Variants in DAB1 observed in about 807,000 individuals in gnomAD.
DAB1 encodes the protein DAB adaptor protein 1, also known as disabled homolog 1.
Under a neutral mutation model 64.6 loss-of-function variants are expected in DAB1, and 15 were observed. That is an observed-to-expected ratio of 0.23 (90% CI 0.16 to 0.36). The LOEUF (loss-of-function observed/expected upper bound fraction) is 0.36, where lower values mean the gene tolerates loss of function less well. DAB1 is among the 10% of genes least tolerant of loss of function. The pLI is 1.00. For missense variants in DAB1, 596 were observed against 706.7 expected, an observed-to-expected ratio of 0.84 and a Z score of 1.78; for synonymous variants, 235 against 251.9, an observed-to-expected ratio of 0.93 and a Z score of 0.64.
rs577906533 is a variant in DAB1 at position 58,327,757 on chromosome 1, G to A, written n.309+15595C>T. 7.9e-5 allele frequency among the ~76,000 whole-genome samples: 12 copies of A among 152,230 alleles called. No individual in the cohort carries two copies. The South Asian group carries it at 1.9e-3, about 24-fold the overall frequency. ...AAGCAGATCACGAGGTCAGGAGTTCGAGACCAGCCTGGCCAACATAGTGAA... is the reference window on the plus strand; with the variant it reads ...AAGCAGATCACGAGGTCAGGAGTTCAAGACCAGCCTGGCCAACATAGTGAA... On this transcript the variant is annotated intron_variant and non_coding_transcript_variant, in intron 4 of 20. Coordinates refer to the DAB1 transcript ENST00000485760.
chr1:57,920,572 G>A (rs925672789), intron 5 of DAB1, among the ~76,000 whole-genome samples: 6 of 152,048 alleles, frequency 3.9e-5, no homozygotes, highest in Non-Finnish European at 7.4e-5. Flanking sequence ...CAAGCAGTCC[G>A]ACGTGGAGTC....
intron 3 of DAB1, among the ~76,000 whole-genome samples, chr1:58,401,934 T>C (rs1173891954): frequency 1.3e-5 from 2 of 152,234 alleles, no homozygotes; most frequent in Non-Finnish European, 2.9e-5. Flanking sequence ...TGCTCCATAT[T>C]TGCTGAATTC....
intron 7 of DAB1, among the ~76,000 whole-genome samples, chr1:57,534,838 G>A (rs1162302395): frequency 1.3e-5 from 2 of 152,160 alleles, no homozygotes; most frequent in Non-Finnish European, 2.9e-5. Flanking sequence ...GTATTTAGAG[G>A]ATACCTTGGA....
chr1:57,654,359 C>T (rs1025786427), intron 6 of DAB1, among the ~76,000 whole-genome samples: 3 of 152,076 alleles, frequency 2.0e-5, no homozygotes, highest in Non-Finnish European at 4.4e-5. Flanking sequence ...TAGGGAAGAC[C>T]TCACCAGAAG....
chr1:58,294,072 T>C (rs1288828365), intron 4 of DAB1, among the ~76,000 whole-genome samples: 1 of 152,202 alleles, frequency 6.6e-6, no homozygotes, highest in Admixed American at 6.5e-5. Flanking sequence ...GGTCCTTTAG[T>C]GTTTTCTATC....
chr1:57,531,939 A>T (rs552896189), intron 7 of DAB1, among the ~76,000 whole-genome samples: 1 of 152,348 alleles, frequency 6.6e-6, no homozygotes, highest in Non-Finnish European at 1.5e-5. Context: ...GATGTAAATA[A>T]CTTCAAGTGC....
chr1:57,603,348 T>G (rs1380232502), intron 7 of DAB1, among the ~76,000 whole-genome samples: 1 of 152,080 alleles, frequency 6.6e-6, no homozygotes, highest in Non-Finnish European at 1.5e-5. Flanking sequence ...TGGTCTAGAG[T>G]TCTTTTCTGG....
intron 6 of DAB1, among the ~76,000 whole-genome samples, chr1:57,677,906 G>A (rs144113731): frequency 1.3e-5 from 2 of 152,290 alleles, no homozygotes; most frequent in East Asian, 1.9e-4. Flanking sequence ...GGTATCATTT[G>A]TTTGGGATCT....
chr1:58,535,960 TACATAC>T (rs1646509880), intron 1 of DAB1, among the ~76,000 whole-genome samples: 1 of 151,600 alleles, frequency 6.6e-6, no homozygotes, highest in Admixed American at 6.6e-5. Flanking sequence ...GCTCTACTCT[TACATAC>T]TGTGTTAGTA....
At chr1:57,299,277 A>C (rs898192037) in intron 1 of DAB1, among the ~76,000 whole-genome samples, 1 of 152,226 alleles carries the variant, frequency 6.6e-6, no homozygotes, top group Non-Finnish European at 1.5e-5. Context: ...CAGTTTACTC[A>C]TCTGTAAAAT....
chr1:58,315,791 A>G (rs1315825055), intron 4 of DAB1, among the ~76,000 whole-genome samples: 2 of 152,208 alleles, frequency 1.3e-5, no homozygotes, highest in Non-Finnish European at 1.5e-5. Flanking sequence ...ATTCTCGTAA[A>G]TCACGGGAGC....
chr1:57,964,148 T>G (rs575192222), intron 5 of DAB1, among the ~76,000 whole-genome samples: 4 of 152,266 alleles, frequency 2.6e-5, no homozygotes, highest in Admixed American at 2.6e-4. Context: ...CTTTAGTGGC[T>G]CTGATCCCCC....
At chr1:58,425,343 C>A (rs1213632049) in intron 3 of DAB1, among the ~76,000 whole-genome samples, 2 of 152,214 alleles carry the variant, frequency 1.3e-5, no homozygotes, top group Admixed American at 6.5e-5. Context: ...TGCTCACATC[C>A]CTAATTCTAG....
At chr1:57,276,731 C>G (rs1671500952) in intron 2 of DAB1, among the ~76,000 whole-genome samples, 1 of 152,110 alleles carries the variant, frequency 6.6e-6, no homozygotes, top group Non-Finnish European at 1.5e-5. Context: ...AAATCTGAAC[C>G]CCAAGAATGT....
intron 1 of DAB1, among the ~76,000 whole-genome samples, chr1:58,533,528 T>G (rs1453087552): frequency 6.6e-6 from 1 of 152,180 alleles, no homozygotes; most frequent in East Asian, 1.9e-4. Context: ...CTAGACATTT[T>G]CAAAGATGCT....
intron 1 of DAB1, among the ~76,000 whole-genome samples, chr1:57,291,853 G>A (rs148217093): frequency 6.6e-6 from 1 of 152,230 alleles, no homozygotes; most frequent in East Asian, 1.9e-4. Flanking sequence ...CTCAGACACC[G>A]TGCTAGGAAC....
chr1:58,241,379 T>C (rs1660289443), intron 4 of DAB1, among the ~76,000 whole-genome samples: 1 of 152,082 alleles, frequency 6.6e-6, no homozygotes, highest in Non-Finnish European at 1.5e-5. Flanking sequence ...TACATTTGGA[T>C]AGTCAGGGTT....
At chr1:57,071,709 T>C (rs1651484830) in intron 5 of DAB1, 68 bp from the exon 6 acceptor site, 2 of 1,512,926 alleles carry the variant, frequency 1.3e-6, no homozygotes, top group Non-Finnish European at 8.9e-7. Flanking sequence ...AATTTTTGTT[T>C]TTGCGGCGAC....
intron 4 of DAB1, among the ~76,000 whole-genome samples, chr1:57,092,732 G>T (rs970233680): frequency 1.3e-5 from 2 of 151,062 alleles, no homozygotes; most frequent in African/African-American, 2.4e-5. Flanking sequence ...GCCCTGAGAG[G>T]GGAAGTGCAG....
Sources: allele counts gnomAD v4.1 joint callset (sites outside exome capture counted in the v4.1 genomes callset), GRCh38; gene constraint gnomAD v4.1.1; transcripts MANE v1.5; gene names NCBI Gene and HGNC (gene_info 2026-07-23, HGNC 2026-07-21).